DPP10: variants seen among roughly 807,000 people sequenced by gnomAD.
DPP10 encodes the protein dipeptidyl peptidase like 10.
In DPP10, 33 loss-of-function variants were observed where a neutral mutation model predicts 120.9. The observed-to-expected ratio is 0.27, with a 90% CI of 0.21 to 0.37. DPP10 has a LOEUF of 0.37. Ranked by LOEUF, DPP10 falls within the 10% of genes least tolerant of loss-of-function variation. The probability of loss-of-function intolerance (pLI) is 1.00; values close to 1 mark genes in which losing one functional copy is unlikely to be tolerated. For synonymous variants in DPP10, 337 were observed against 326.1 expected (o/e 1.03, Z -0.36); for missense variants, 816 against 942.8 (o/e 0.87, Z 1.76).
chr2:114,919,833 T>C (rs1338423716), intron 1 of DPP10, among the ~76,000 whole-genome samples: 1 of 152,128 alleles, frequency 6.6e-6, no homozygotes, highest in Non-Finnish European at 1.5e-5. Flanking sequence ...TCTGAAGATA[T>C]CCCCAGTCAC....
chr2:115,460,320 T>C (rs976454562), intron 3 of DPP10, among the ~76,000 whole-genome samples: 2 of 152,098 alleles, frequency 1.3e-5, no homozygotes, highest in African/African-American at 4.8e-5. Flanking sequence ...TATTCTCTCT[T>C]GGCACGTAAG....
At chr2:115,575,554 T>C (rs1303694854) in intron 5 of DPP10, among the ~76,000 whole-genome samples, 2 of 152,188 alleles carry the variant, frequency 1.3e-5, no homozygotes, top group Non-Finnish European at 2.9e-5. Flanking sequence ...TAGCTCTGGC[T>C]GAATTCAATT....
At chr2:115,489,452 C>G (rs1199774917) in intron 3 of DPP10, among the ~76,000 whole-genome samples, 1 of 151,898 alleles carries the variant, frequency 6.6e-6, no homozygotes, top group African/African-American at 2.4e-5. Context: ...ATATCTCCTT[C>G]CTTTTGGAAT....
At chr2:115,657,642 G>T (rs934069787) in intron 5 of DPP10, among the ~76,000 whole-genome samples, 1 of 151,558 alleles carries the variant, frequency 6.6e-6, no homozygotes, top group African/African-American at 2.4e-5. Context: ...ATGTGAGTGT[G>T]TGTAGAAAAA....
At chr2:115,362,037 T>C (rs2106356483) in intron 3 of DPP10, among the ~76,000 whole-genome samples, 1 of 152,108 alleles carries the variant, frequency 6.6e-6, no homozygotes, top group Middle Eastern at 3.4e-3. Flanking sequence ...GTGTATGTTT[T>C]GTGTGTATAT....
chr2:114,920,196 A>G (rs909746323), intron 1 of DPP10, among the ~76,000 whole-genome samples: 1 of 152,154 alleles, frequency 6.6e-6, no homozygotes, highest in Admixed American at 6.5e-5. Flanking sequence ...CATCCCTCTG[A>G]TCATCATCTG....
At chr2:115,484,503 C>A (rs1233292494) in intron 3 of DPP10, among the ~76,000 whole-genome samples, 2 of 152,036 alleles carry the variant, frequency 1.3e-5, no homozygotes, top group African/African-American at 2.4e-5. Flanking sequence ...AGTACCTGGA[C>A]CATCTATGAC....
intron 1 of DPP10, among the ~76,000 whole-genome samples, chr2:115,057,163 A>G (rs550472447): frequency 6.6e-6 from 1 of 152,076 alleles, no homozygotes; most frequent in Non-Finnish European, 1.5e-5. Context: ...CCCTTTCTTA[A>G]CTCTCTTAGA....
At chr2:115,720,264 C>T (rs2092612935) in intron 7 of DPP10, among the ~76,000 whole-genome samples, 1 of 152,064 alleles carries the variant, frequency 6.6e-6, no homozygotes, top group Admixed American at 6.5e-5. Context: ...TGTGTGTTTG[C>T]TTATATATAC....
chr2:115,505,259 A>C (rs1308631641), intron 4 of DPP10, among the ~76,000 whole-genome samples: 1 of 151,950 alleles, frequency 6.6e-6, no homozygotes, highest in South Asian at 2.1e-4. Flanking sequence ...TAAAAATAAT[A>C]TTAAAAATAA....
At chr2:115,629,090 T>A (rs2085616243) in intron 5 of DPP10, among the ~76,000 whole-genome samples, 1 of 152,242 alleles carries the variant, frequency 6.6e-6, no homozygotes, top group South Asian at 2.1e-4. Flanking sequence ...CTTGCGATAG[T>A]TTGCTGAGAA....
At chr2:115,821,713 G>T (rs1200854893) in intron 21 of DPP10, among the ~76,000 whole-genome samples, 1 of 150,956 alleles carries the variant, frequency 6.6e-6, no homozygotes, top group Non-Finnish European at 1.5e-5. Flanking sequence ...TATAATTTTG[G>T]TTTGTTCAAT....
rs149172987 is a variant in DPP10 at position 115,622,881 on chromosome 2, C to T, written c.442-66806C>T. 6.1e-3 allele frequency among the ~76,000 whole-genome samples: 865 copies of T among 142,030 alleles called. 4 individuals carry two copies. Among genetic ancestry groups the T allele is most frequent in the African/African-American group, 0.02 (747 of 37,878 alleles). The allele number at this position is 142,030 out of a possible 152,430, so 93.2% of individuals were successfully genotyped here. A position where few individuals can be genotyped will look rare whatever the true frequency, so the allele number is the denominator to read the frequency against. On this transcript the variant is annotated intron_variant, in intron 5 of 25. Coordinates refer to ENST00000410059, the MANE Select transcript of DPP10 (RefSeq NM_020868.6). The stretch of plus-strand genomic sequence containing the variant: ...TTTTTGAGATGGAGTCTCGCTCTGT[C>T]GCCCAGGCTGGAGTGCAGTGGCTCT...
intron 3 of DPP10, among the ~76,000 whole-genome samples, chr2:115,381,596 G>A (rs1341272297): frequency 1.3e-5 from 2 of 152,208 alleles, no homozygotes; most frequent in Non-Finnish European, 2.9e-5. Flanking sequence ...TTGCTGGTGA[G>A]GAACTGCGTT....
At chr2:114,890,616 A>G (rs746817595) in intron 1 of DPP10, among the ~76,000 whole-genome samples, 44 of 152,214 alleles carry the variant, frequency 2.9e-4, no homozygotes, top group Non-Finnish European at 5.9e-4. Flanking sequence ...TTGTTGTTGC[A>G]GCCAACATTT....
chr2:115,827,337 A>ATGTATATGTATATGTATATGTATG (rs1219898388), intron 21 of DPP10, among the ~76,000 whole-genome samples: 2 of 146,528 alleles, frequency 1.4e-5, no homozygotes, highest in African/African-American at 5.0e-5. Flanking sequence ...GTATATGTAT[A>ATGTATATGTATATGTATATGTATG]TGTATATATA....
At chr2:115,270,335 A>G (rs1481820986) in intron 1 of DPP10, among the ~76,000 whole-genome samples, 5 of 152,062 alleles carry the variant, frequency 3.3e-5, no homozygotes, top group Admixed American at 1.3e-4. Flanking sequence ...GACGGCTACT[A>G]TATAGGAAGC....
intron 21 of DPP10, among the ~76,000 whole-genome samples, chr2:115,835,455 AAGAGAG>A (rs141321713): frequency 1.3e-5 from 2 of 151,574 alleles, no homozygotes; most frequent in East Asian, 1.9e-4. Flanking sequence ...GAGGGAGAGA[AAGAGAG>A]AGAGAGAGAC....
At chr2:114,712,474 A>T (rs79470449) in intron 1 of DPP10, among the ~76,000 whole-genome samples, 185 of 152,306 alleles carry the variant, frequency 1.2e-3, no homozygotes, top group African/African-American at 4.2e-3. Flanking sequence ...CACACTAGAC[A>T]TGAGGTAGGA....
Sources: allele counts gnomAD v4.1 joint callset (sites outside exome capture counted in the v4.1 genomes callset), GRCh38; gene constraint gnomAD v4.1.1; transcripts MANE v1.5; gene names NCBI Gene and HGNC (gene_info 2026-07-23, HGNC 2026-07-21).